CSMD1: variants seen among roughly 807,000 people sequenced by gnomAD.
The protein encoded by CSMD1 is CUB and sushi domain-containing protein 1.
Under a neutral mutation model 417.5 loss-of-function variants are expected in CSMD1, and 213 were observed. The ratio of observed to expected loss-of-function variants is 0.51; its 90% CI spans 0.46 to 0.57. The LOEUF (loss-of-function observed/expected upper bound fraction) is 0.57, where lower values mean the gene tolerates loss of function less well. CSMD1 is among the 20% of genes least tolerant of loss of function. CSMD1 has a pLI of 0.00. For synonymous variants in CSMD1, 2,862 were observed against 1,736.8 expected (o/e 1.65, Z -16.11); for missense variants, 6,923 against 4,529.7 (o/e 1.53, Z -15.17).
In CSMD1 at chr8:4,030,379, T is replaced by C. The variant is rs186092417; in HGVS notation, c.610+1526A>G. Among the ~76,000 whole-genome samples the C allele has an allele frequency of 1.5e-3, 222 of 152,314 alleles. 1 individual carries two copies. The highest frequency in any genetic ancestry group is 5.1e-3 in the African/African-American group (210 of 41,560). On this transcript the variant is annotated intron_variant, in intron 4 of 69. Transcript: ENST00000635120. ...GGCAAAGGTTCCCAAACCCAAATTA[T>C]TGACTTCTACACATTCGCAGGCTCA... is the stretch of plus-strand genomic sequence containing the variant.
At chr8:4,655,075 C>CATCAAAGG (rs1309374286) in intron 1 of CSMD1, among the ~76,000 whole-genome samples, 2 of 151,060 alleles carry the variant, frequency 1.3e-5, no homozygotes, top group Non-Finnish European at 1.5e-5. Flanking sequence ...ATCATTTGTC[C>CATCAAAGG]ATCAAAGGAG....
intron 2 of CSMD1, among the ~76,000 whole-genome samples, chr8:4,548,659 T>C (rs1344885910): frequency 6.6e-6 from 1 of 152,198 alleles, no homozygotes; most frequent in Non-Finnish European, 1.5e-5. Flanking sequence ...ATCATCACAA[T>C]TAGGTGTTTG....
chr8:3,632,723 G>C (rs531042398), intron 7 of CSMD1, among the ~76,000 whole-genome samples: 4 of 152,070 alleles, frequency 2.6e-5, no homozygotes, highest in East Asian at 1.9e-4. Flanking sequence ...CAGTTAAAAA[G>C]ATGACCACAC....
At chr8:3,612,337 G>C (rs942362861) in intron 8 of CSMD1, among the ~76,000 whole-genome samples, 4 of 152,034 alleles carry the variant, frequency 2.6e-5, no homozygotes, top group African/African-American at 4.8e-5. Context: ...ATGAGAAATA[G>C]ACAGATTCAC....
chr8:4,957,178 A>T (rs1809174166), intron 1 of CSMD1, among the ~76,000 whole-genome samples: 1 of 152,230 alleles, frequency 6.6e-6, no homozygotes, highest in Admixed American at 6.5e-5. Context: ...CAACTGAAAA[A>T]CACTGACCTG....
intron 1 of CSMD1, among the ~76,000 whole-genome samples, chr8:4,979,823 G>C (rs887046485): frequency 6.6e-6 from 1 of 152,072 alleles, no homozygotes; most frequent in African/African-American, 2.4e-5. Flanking sequence ...GGATCACTAG[G>C]TCAGCAGATC....
At chr8:4,291,094 A>G (rs1797333613) in intron 3 of CSMD1, among the ~76,000 whole-genome samples, 1 of 152,194 alleles carries the variant, frequency 6.6e-6, no homozygotes, top group African/African-American at 2.4e-5. Context: ...TTTGTGTAAT[A>G]CAAACACAAC....
intron 5 of CSMD1, among the ~76,000 whole-genome samples, chr8:3,921,478 A>T (rs1172994850): frequency 6.6e-6 from 1 of 151,804 alleles, no homozygotes; most frequent in Non-Finnish European, 1.5e-5. Flanking sequence ...TGAGGTGTAA[A>T]GTTAGGTTGC....
chr8:3,992,739 C>T (rs919622683), intron 5 of CSMD1, among the ~76,000 whole-genome samples: 1 of 152,184 alleles, frequency 6.6e-6, no homozygotes, highest in Non-Finnish European at 1.5e-5. Context: ...TATGACAGCA[C>T]CACTGTACTC....
At chr8:4,580,543 G>A (rs540768093) in intron 2 of CSMD1, among the ~76,000 whole-genome samples, 1 of 152,230 alleles carries the variant, frequency 6.6e-6, no homozygotes, top group African/African-American at 2.4e-5. Context: ...AGCTTGAGTT[G>A]TTCCCCATGT....
At position 3,905,697 on chromosome 8, in the gene CSMD1, G is replaced by A. The variant is rs1237960453; in HGVS notation, c.818+92206C>T. Among the ~76,000 whole-genome samples the A allele has an allele frequency of 2.0e-5, 3 of 152,152 alleles. No homozygotes were observed. In the East Asian group the frequency reaches 5.8e-4, roughly 29 times the overall value. ...AACCACTCTTTGAGAACCACACTCA[G>A]TATCTCCTTATCCACATCCAAGTCC... is the stretch of plus-strand genomic sequence containing the variant. On this transcript the variant is annotated intron_variant, in intron 5 of 69. Coordinates refer to ENST00000635120, the MANE Select transcript of CSMD1 (RefSeq NM_033225.6).
chr8:3,372,019 AT>A (rs1809986452), intron 18 of CSMD1, among the ~76,000 whole-genome samples: 1 of 152,242 alleles, frequency 6.6e-6, no homozygotes, highest in African/African-American at 2.4e-5. Context: ...TAAAGTATGA[AT>A]TCCAGTTGGA....
intron 18 of CSMD1, among the ~76,000 whole-genome samples, chr8:3,386,136 A>G (rs902950392): frequency 6.6e-6 from 1 of 152,180 alleles, no homozygotes; most frequent in African/African-American, 2.4e-5. Context: ...GAGTTGATGT[A>G]TTAGAATTAT....
chr8:3,683,712 C>T (rs141605550), intron 7 of CSMD1, among the ~76,000 whole-genome samples: 1 of 152,252 alleles, frequency 6.6e-6, no homozygotes, highest in East Asian at 1.9e-4. Context: ...GAGGCTCAAG[C>T]TCCTACAACT....
At chr8:3,552,601 G>T (rs1227280152) in intron 10 of CSMD1, among the ~76,000 whole-genome samples, 1 of 152,108 alleles carries the variant, frequency 6.6e-6, no homozygotes, top group Non-Finnish European at 1.5e-5. Flanking sequence ...GTATTTTAAG[G>T]AATTAAGAGG....
chr8:3,505,951 T>C (rs571485594), intron 10 of CSMD1, among the ~76,000 whole-genome samples: 30 of 152,326 alleles, frequency 2.0e-4, no homozygotes, highest in African/African-American at 6.7e-4. Flanking sequence ...CAAAAAGTTA[T>C]GTAAACCAGA....
At chr8:3,842,512 G>C (rs186997374) in intron 5 of CSMD1, among the ~76,000 whole-genome samples, 1 of 152,158 alleles carries the variant, frequency 6.6e-6, no homozygotes, top group African/African-American at 2.4e-5. Flanking sequence ...TAGGGAAGAA[G>C]TGGGTTCCAA....
intron 3 of CSMD1, among the ~76,000 whole-genome samples, chr8:4,385,754 G>T (rs1345774524): frequency 6.6e-6 from 1 of 152,122 alleles, no homozygotes; most frequent in African/African-American, 2.4e-5. Flanking sequence ...ATCTAAAGAG[G>T]AATTCATGTC....
chr8:4,645,162 C>T (rs372977660), intron 1 of CSMD1, among the ~76,000 whole-genome samples: 2 of 152,126 alleles, frequency 1.3e-5, no homozygotes, highest in East Asian at 1.9e-4. Flanking sequence ...TTTTCTCCTA[C>T]ATGCTGTTCC....
Sources: gnomAD v4.1 joint callset for allele counts (sites outside exome capture counted in the v4.1 genomes callset) on GRCh38, gnomAD v4.1.1 for gene constraint, MANE v1.5 for transcripts, NCBI Gene and HGNC (gene_info 2026-07-23, HGNC 2026-07-21) for gene names.